MBOAT7: variants seen among roughly 807,000 people sequenced by gnomAD.
The protein encoded by MBOAT7 is membrane-bound acylglycerophosphatidylinositol O-acyltransferase MBOAT7.
A neutral mutation model predicts 47.4 loss-of-function variants in MBOAT7; 40 were observed. The ratio of observed to expected loss-of-function variants is 0.84; its 90% confidence interval spans 0.66 to 1.10. The LOEUF (loss-of-function observed/expected upper bound fraction) is 1.10. Among genes scored for constraint, MBOAT7 ranks in the 50% least tolerant of loss-of-function variants. MBOAT7 has a pLI of 0.00. For synonymous variants in MBOAT7, 361 were observed against 292.0 expected (o/e 1.24, Z -2.41); for missense variants, 680 against 655.6 (o/e 1.04, Z -0.41).
intron 4 of MBOAT7, among the ~76,000 whole-genome samples, chr19:54,185,668 AG>A (rs1235502452): frequency 6.6e-6 from 1 of 151,804 alleles, no homozygotes; most frequent in African/African-American, 2.4e-5. Context: ...ATTCTCCTTC[AG>A]CATCCAGAAC....
Position 54,181,112 on chromosome 19 carries a change from G to A in MBOAT7, c.515C>T (p.Thr172Ile). The A allele has an allele frequency of 6.7e-7, 1 of 1,487,100 alleles. No homozygotes were observed. The highest frequency in any genetic ancestry group is 8.9e-7 in the Non-Finnish European group (1 of 1,118,372). The allele number at this position is 1,487,100 out of a possible 1,614,324, so 92.1% of individuals were successfully genotyped here. A position where few individuals can be genotyped will look rare whatever the true frequency, so the allele number is the denominator to read the frequency against. ...IMTGPFFRYR[T>I]YLDWLEQPFP... is the part of the protein sequence containing the mutation. ...GGGCTGCTCCAGCCAGTCCAGGTAGGTGCGGTAGCGGAAGAACGGGCCTGT... is the reference window on the plus strand; with the variant it reads ...GGGCTGCTCCAGCCAGTCCAGGTAGATGCGGTAGCGGAAGAACGGGCCTGT... The change falls in exon 6 of 8, where the codon ACC becomes ATC. Residue 172 changes from threonine to isoleucine, a missense_variant. Transcript: ENST00000245615.
At chr19:54,188,015 C>CAAAAAGAAAGAAAGAAAGAAAGAAAA (rs1491140764) in intron 3 of MBOAT7, among the ~76,000 whole-genome samples, 1 of 78,328 alleles carries the variant, frequency 1.3e-5, no homozygotes, top group African/African-American at 5.3e-5. Flanking sequence ...AACTCCATCT[C>CAAAAAGAAAGAAAGAAAGAAAGAAAA]AGAAAGAAAG....
intron 3 of MBOAT7, 39 bp from the exon 4 acceptor site, chr19:54,187,326 A>C (rs747704085): frequency 6.4e-7 from 1 of 1,564,664 alleles, no homozygotes; most frequent in South Asian, 1.2e-5. Context: ...TGGGCACAGA[A>C]GTCTCGGCCT....
At position 54,173,815 on chromosome 19, in the gene MBOAT7, G is replaced by T. The variant is rs554021557; in HGVS notation, c.*229C>A. ...CCCAGAAGCTGGAGCAGGGGCCAGT[G>T]ACTCTTGTCTGGACAATACTTTGAT... On this transcript the variant is annotated 3_prime_UTR_variant, in exon 8 of 8. Coordinates refer to ENST00000245615, the MANE Select transcript of MBOAT7 (RefSeq NM_024298.5). 4.1e-6 allele frequency: 2 copies of T among 485,900 alleles called. No individual in the cohort carries two copies. The highest frequency in any genetic ancestry group is 4.0e-5 in the African/African-American group (2 of 49,392). 30.1% of individuals were successfully genotyped at this position (485,900 alleles called of 1,614,324 possible).
Position 54,181,140 on chromosome 19 carries a change from G to GGCGGGGAGGGAGGGCC in MBOAT7, c.494-23_494-8dup, listed in dbSNP as rs1452681715. ...CGGTAGCGGAAGAACGGGCCTGTGG[G>GGCGGGGAGGGAGGGCC]GCGGGGAGGGAGGGCCGCGGTCAGA... On this transcript the variant is annotated splice_polypyrimidine_tract_variant and splice_region_variant and intron_variant, in intron 5 of 7. Coordinates refer to ENST00000245615, the MANE Select transcript of MBOAT7 (RefSeq NM_024298.5). 1 of 1,461,672 alleles carries GGCGGGGAGGGAGGGCC rather than the reference G, an allele frequency of 6.8e-7. No individual in the cohort carries two copies. Among genetic ancestry groups the GGCGGGGAGGGAGGGCC allele is most frequent in the Admixed American group, 2.7e-5 (1 of 37,330 alleles). The allele number at this position is 1,461,672 out of a possible 1,614,324, so 90.5% of individuals were successfully genotyped here.
At chr19:54,174,715 C>G (rs966715812) in intron 7 of MBOAT7, among the ~76,000 whole-genome samples, 3 of 149,218 alleles carry the variant, frequency 2.0e-5, no homozygotes, top group African/African-American at 7.3e-5. Context: ...CCCTCAGATC[C>G]AGGAGACCAG....
chr19:54,189,550 C>A lies in MBOAT7; in HGVS notation c.-216G>T, dbSNP rs1355614357. Reference sequence around the variant, plus strand: ...CGGAGCAGAAGCCGAGAGCGCGAGTCGGCAACGGGATTCGAGTCCAGGTCC... The same window carrying A: ...CGGAGCAGAAGCCGAGAGCGCGAGTAGGCAACGGGATTCGAGTCCAGGTCC... On this transcript the variant is annotated 5_prime_UTR_variant, in exon 1 of 8. Coordinates refer to ENST00000245615, the MANE Select transcript of MBOAT7 (RefSeq NM_024298.5). 3.9e-5 allele frequency: 6 copies of A among 152,702 alleles called. No homozygotes were observed. The highest frequency in any genetic ancestry group is 1.4e-4 in the African/African-American group (6 of 41,482). 9.5% of individuals were successfully genotyped at this position (152,702 alleles called of 1,614,324 possible).
intron 4 of MBOAT7, among the ~76,000 whole-genome samples, chr19:54,184,701 G>A (rs1005329670): frequency 6.6e-6 from 1 of 151,996 alleles, no homozygotes; most frequent in South Asian, 2.1e-4. Context: ...TCGGGAGTTC[G>A]AGATCAGCCT....
chr19:54,173,848 G>T lies in MBOAT7; in HGVS notation c.*196C>A. 1 of 576,032 alleles carries T rather than the reference G, an allele frequency of 1.7e-6. No homozygotes were observed. The highest frequency in any genetic ancestry group is 2.9e-6 in the Non-Finnish European group (1 of 341,090). 35.7% of individuals were successfully genotyped at this position (576,032 alleles called of 1,614,324 possible). A position where few individuals can be genotyped will look rare whatever the true frequency, so the allele number is the denominator to read the frequency against. Reference sequence around the variant, plus strand: ...TCTGGACAATACTTTGATTTTGTAGGAGTGGAGGTGGCCTCTGGGCAGAGG... The same window carrying T: ...TCTGGACAATACTTTGATTTTGTAGTAGTGGAGGTGGCCTCTGGGCAGAGG... On this transcript the variant is annotated 3_prime_UTR_variant, in exon 8 of 8. Transcript: ENST00000245615.
At chr19:54,175,042 C>A (rs1034923135) in intron 7 of MBOAT7, among the ~76,000 whole-genome samples, 2 of 143,658 alleles carry the variant, frequency 1.4e-5, no homozygotes, top group African/African-American at 5.2e-5. Flanking sequence ...GTGGCGCGAT[C>A]TTGGCTCACT....
Position 54,188,434 on chromosome 19 carries a change from G to A in MBOAT7, c.75C>T (p.Ala25=). ...SIPIGFLFKK[A]GPGLKRWGAA... is the part of the protein sequence containing the mutation. The stretch of plus-strand genomic sequence containing the variant: ...CACTGGGGAGGGAGCCTGACTCACC[G>A]GCTTTCTTAAAGAGGAAGCCGATGG... The change falls in exon 2 of 8, where the codon GCC becomes GCT. Residue 25 remains alanine (A), a splice_region_variant and synonymous_variant. Transcript: ENST00000245615. 4.5e-6 allele frequency: 7 copies of A among 1,563,212 alleles called. No homozygotes were observed. The highest frequency in any genetic ancestry group is 1.2e-5 in the South Asian group (1 of 86,128).
At chr19:54,188,896 C>T (rs2147050446) in intron 1 of MBOAT7, among the ~76,000 whole-genome samples, 1 of 152,196 alleles carries the variant, frequency 6.6e-6, no homozygotes, top group East Asian at 1.9e-4. Context: ...GAAACGGCAC[C>T]CCTCCCGGAC....
At chr19:54,175,759 C>G (rs2076089103) in intron 7 of MBOAT7, among the ~76,000 whole-genome samples, 1 of 152,148 alleles carries the variant, frequency 6.6e-6, no homozygotes, top group African/African-American at 2.4e-5. Flanking sequence ...GAGTCTCGCT[C>G]TGCCGCCCAT....
Position 54,174,041 on chromosome 19 carries a change from A to G in MBOAT7, c.*3T>C, listed in dbSNP as rs1263075127. On this transcript the variant is annotated 3_prime_UTR_variant, in exon 8 of 8. Coordinates refer to ENST00000245615, the MANE Select transcript of MBOAT7 (RefSeq NM_024298.5). ...CAGCTGGCAGAGGGAGCGTCGTGAC[A>G]GCTTACTCCTCCCGGAGCTTCTCCG... 4 of 1,578,264 alleles carry G rather than the reference A, an allele frequency of 2.5e-6. No individual in the cohort carries two copies. The Admixed American group carries it at 7.5e-5, about 30-fold the overall frequency.
chr19:54,180,530 A>AGG lies in MBOAT7; in HGVS notation c.854+241_854+242dup, dbSNP rs953452259. The AGG allele has an allele frequency of 2.1e-6, 1 of 475,618 alleles. No individual in the cohort carries two copies. The highest frequency in any genetic ancestry group is 3.8e-5 in the South Asian group (1 of 26,432). The allele number at this position is 475,618 out of a possible 1,614,324, so 29.5% of individuals were successfully genotyped here. ...TAAGTTACCACCTTTTCCTAGCGACAGGGGGCAGTTCACCACACTGCGGGG... is the reference window on the plus strand; with the variant it reads ...TAAGTTACCACCTTTTCCTAGCGACAGGGGGGGCAGTTCACCACACTGCGGGG... On this transcript the variant is annotated intron_variant, in intron 6 of 7. Coordinates refer to ENST00000245615, the MANE Select transcript of MBOAT7 (RefSeq NM_024298.5). The surrounding 1 kb of genome is among the most constrained non-coding windows in gnomAD (Gnocchi z 5.2).
In MBOAT7 at chr19:54,188,531, T is replaced by G; in HGVS notation, c.-3-20A>C. 6.5e-7 allele frequency: 1 copy of G among 1,550,102 alleles called. No individual in the cohort carries two copies. Among genetic ancestry groups the G allele is most frequent in the Non-Finnish European group, 8.7e-7 (1 of 1,146,158 alleles). ...CATGGTCTGGGGGAGGGGCAGAGAT[T>G]CACAGTGAGAACCCAGGAATCCAGG... On this transcript the variant is annotated intron_variant, in intron 1 of 7. Transcript: ENST00000245615.
chr19:54,177,497 G>A (rs1035356278), intron 7 of MBOAT7, among the ~76,000 whole-genome samples: 3 of 151,598 alleles, frequency 2.0e-5, no homozygotes, highest in Admixed American at 6.6e-5. Flanking sequence ...GGGTTTCACC[G>A]TGTTAGCCAG....
In MBOAT7 at chr19:54,178,309, A is replaced by T. The variant is rs143800532; in HGVS notation, c.1031+456T>A. Reference sequence around the variant, plus strand: ...TGAAAAACAATAAAAATGAATACACAGCACGCACTTACCTGTCAGGCCTCA... The same window carrying T: ...TGAAAAACAATAAAAATGAATACACTGCACGCACTTACCTGTCAGGCCTCA... On this transcript the variant is annotated intron_variant, in intron 7 of 7. Coordinates refer to ENST00000245615, the MANE Select transcript of MBOAT7 (RefSeq NM_024298.5). 2.9e-6 allele frequency: 3 copies of T among 1,027,774 alleles called. No homozygotes were observed. The Admixed American group carries it at 1.5e-4, about 52-fold the overall frequency. 63.7% of individuals were successfully genotyped at this position (1,027,774 alleles called of 1,614,324 possible).
rs532190393 is a variant in MBOAT7, at chr19:54,174,442, G to A, written c.1032-11C>T. 8 of 1,527,092 alleles carry A rather than the reference G, an allele frequency of 5.2e-6. No individual in the cohort carries two copies. The highest frequency in any genetic ancestry group is 7.0e-6 in the Non-Finnish European group (8 of 1,138,400). The allele number at this position is 1,527,092 out of a possible 1,614,324, so 94.6% of individuals were successfully genotyped here. A position where few individuals can be genotyped will look rare whatever the true frequency, so the allele number is the denominator to read the frequency against. On this transcript the variant is annotated splice_polypyrimidine_tract_variant and intron_variant, in intron 7 of 7. Coordinates refer to ENST00000245615, the MANE Select transcript of MBOAT7 (RefSeq NM_024298.5). Reference sequence around the variant, plus strand: ...ATGGTCCAGGCGCTCCTGAGGAGGAGGCTGGGAGTCAGGACCTACGAGTCC... The same window carrying A: ...ATGGTCCAGGCGCTCCTGAGGAGGAAGCTGGGAGTCAGGACCTACGAGTCC...
Sources: allele counts gnomAD v4.1 joint callset (sites outside exome capture counted in the v4.1 genomes callset), GRCh38; gene constraint gnomAD v4.1.1; non-coding constraint Gnocchi (gnomAD v3.1); transcripts MANE v1.5; gene names NCBI Gene and HGNC (gene_info 2026-07-23, HGNC 2026-07-21).